Variants in SPSB1 observed in about 807,000 individuals in gnomAD.
The protein encoded by SPSB1 is SPRY domain-containing SOCS box protein 1.
In SPSB1, 8 loss-of-function variants were observed where a neutral mutation model predicts 21.2. The observed-to-expected ratio is 0.38, with a 90% CI of 0.22 to 0.68. The LOEUF is 0.68. SPSB1 is among the 30% of genes least tolerant of loss of function. The pLI, the probability that SPSB1 is intolerant of heterozygous loss-of-function variation, is 0.53. For synonymous variants in SPSB1, 169 were observed against 161.7 expected, an observed-to-expected ratio of 1.05 and a Z score of -0.34; for missense variants, 242 against 377.8, an observed-to-expected ratio of 0.64 and a Z score of 2.98.
intron 1 of SPSB1, among the ~76,000 whole-genome samples, chr1:9,344,606 A>G (rs547005113): frequency 6.6e-6 from 1 of 152,194 alleles, no homozygotes; most frequent in Admixed American, 6.5e-5. Flanking sequence ...AGCATGTATG[A>G]AGCTCTTACT....
intron 1 of SPSB1, 174 bp from the exon 2 acceptor site, chr1:9,355,569 C>T: frequency 3.3e-6 from 2 of 613,988 alleles, no homozygotes; most frequent in Non-Finnish European, 4.4e-6. Flanking sequence ...GACAGCTAGC[C>T]AGGGAACGGG....
intron 1 of SPSB1, among the ~76,000 whole-genome samples, chr1:9,304,366 G>T (rs1457596736): frequency 1.3e-5 from 2 of 152,196 alleles, no homozygotes; most frequent in African/African-American, 2.4e-5. Context: ...CGATGAGCCA[G>T]TTCCCCTAAC....
At position 9,367,757 on chromosome 1, in the gene SPSB1, C is replaced by A. The variant is rs529027354; in HGVS notation, c.*182C>A. On this transcript the variant is annotated 3_prime_UTR_variant, in exon 3 of 3. Coordinates refer to ENST00000328089, the MANE Select transcript of SPSB1 (RefSeq NM_025106.4). The surrounding 1 kb of genome is among the most constrained non-coding windows in gnomAD (Gnocchi z 5.9). ...ACAAGGACCGATTCCAACACAGGCT[C>A]CTCTTTCCCCCTTCCCGACATCAGC... 1.3e-5 allele frequency: 11 copies of A among 863,242 alleles called. No individual in the cohort carries two copies. Among genetic ancestry groups the A allele is most frequent in the Non-Finnish European group, 1.9e-5 (11 of 579,396 alleles). The allele number at this position is 863,242 out of a possible 1,614,324, so 53.5% of individuals were successfully genotyped here. A position where few individuals can be genotyped will look rare whatever the true frequency, so the allele number is the denominator to read the frequency against.
intron 1 of SPSB1, among the ~76,000 whole-genome samples, chr1:9,299,164 T>A (rs1639273905): frequency 2.0e-5 from 3 of 152,266 alleles, no homozygotes; most frequent in Admixed American, 2.0e-4. Flanking sequence ...TGCATGCAGC[T>A]GTTGATCTGA....
chr1:9,339,710 C>T (rs577078327), intron 1 of SPSB1, among the ~76,000 whole-genome samples: 23 of 152,216 alleles, frequency 1.5e-4, no homozygotes, highest in South Asian at 1.0e-3. Context: ...CCAGCAGGGT[C>T]GCCCTGACCT....
chr1:9,310,087 T>C (rs973749860), intron 1 of SPSB1, among the ~76,000 whole-genome samples: 1 of 150,898 alleles, frequency 6.6e-6, no homozygotes, highest in Non-Finnish European at 1.5e-5. Flanking sequence ...TGATGATGCC[T>C]CTGCACCTGC....
In SPSB1 at chr1:9,355,838, G is replaced by A. The variant is rs1222663119; in HGVS notation, c.-54G>A. On this transcript the variant is annotated 5_prime_UTR_variant, in exon 2 of 3. Coordinates refer to ENST00000328089, the MANE Select transcript of SPSB1 (RefSeq NM_025106.4). Reference sequence around the variant, plus strand: ...ATCAGAATACTGGAGACGAGACCACGAGATTGATGAGTTTGCCTTGGGAGT... The same window carrying A: ...ATCAGAATACTGGAGACGAGACCACAAGATTGATGAGTTTGCCTTGGGAGT... The A allele has an allele frequency of 5.3e-6, 8 of 1,515,806 alleles. No homozygotes were observed. The highest frequency in any genetic ancestry group is 1.4e-5 in the African/African-American group (1 of 71,782). 93.9% of individuals were successfully genotyped at this position (1,515,806 alleles called of 1,614,324 possible).
chr1:9,326,390 A>G (rs1204873634), intron 1 of SPSB1, among the ~76,000 whole-genome samples: 1 of 152,220 alleles, frequency 6.6e-6, no homozygotes, highest in East Asian at 1.9e-4. Flanking sequence ...AAGGGGCCAC[A>G]GAAAAGTCAG....
intron 1 of SPSB1, among the ~76,000 whole-genome samples, chr1:9,323,417 G>T (rs924775892): frequency 2.0e-5 from 3 of 152,174 alleles, no homozygotes; most frequent in African/African-American, 2.4e-5. Context: ...CTCGCGGCCC[G>T]TTGGCAGAGA....
At chr1:9,314,044 C>T (rs546846861) in intron 1 of SPSB1, among the ~76,000 whole-genome samples, 33 of 152,086 alleles carry the variant, frequency 2.2e-4, no homozygotes, top group Non-Finnish European at 3.5e-4. Flanking sequence ...GGTGTGGCGG[C>T]GGGCACTTGT....
intron 1 of SPSB1, among the ~76,000 whole-genome samples, chr1:9,319,798 C>T (rs1639683362): frequency 6.6e-6 from 1 of 152,074 alleles, no homozygotes; most frequent in Admixed American, 6.5e-5. Flanking sequence ...TTCCATGAGC[C>T]TTTGAGTGAG....
At chr1:9,350,718 C>T (rs1640242855) in intron 1 of SPSB1, among the ~76,000 whole-genome samples, 1 of 152,236 alleles carries the variant, frequency 6.6e-6, no homozygotes, top group Admixed American at 6.5e-5. Flanking sequence ...GTCTGCTCCT[C>T]CTGGGTGGGG....
At chr1:9,327,511 G>A (rs1639836576) in intron 1 of SPSB1, among the ~76,000 whole-genome samples, 1 of 152,128 alleles carries the variant, frequency 6.6e-6, no homozygotes, top group African/African-American at 2.4e-5. Context: ...AGAGCAGGCA[G>A]ACTGGGAGTG....
At chr1:9,340,834 A>G (rs1166333224) in intron 1 of SPSB1, among the ~76,000 whole-genome samples, 4 of 152,260 alleles carry the variant, frequency 2.6e-5, no homozygotes, top group African/African-American at 7.2e-5. Flanking sequence ...GTCGCGGAGC[A>G]GCTCTGCCCA....
intron 1 of SPSB1, among the ~76,000 whole-genome samples, chr1:9,327,062 G>C (rs912207088): frequency 6.6e-6 from 1 of 152,132 alleles, no homozygotes; most frequent in Non-Finnish European, 1.5e-5. Context: ...GCACTGGGAT[G>C]GTTCCTCATT....
At chr1:9,331,497 A>AT (rs1639919386) in intron 1 of SPSB1, among the ~76,000 whole-genome samples, 1 of 151,280 alleles carries the variant, frequency 6.6e-6, no homozygotes, top group African/African-American at 2.4e-5. Flanking sequence ...TGCCCGACTA[A>AT]TTTTTTGTAT....
At chr1:9,322,989 C>T (rs903177419) in intron 1 of SPSB1, among the ~76,000 whole-genome samples, 8 of 152,130 alleles carry the variant, frequency 5.3e-5, no homozygotes, top group Non-Finnish European at 8.8e-5. Flanking sequence ...CTTCCCGTGC[C>T]GCCAGCACTG....
rs1419481536 is a variant in SPSB1 at position 9,346,583 on chromosome 1, G to A, written c.-149-9160G>A. On this transcript the variant is annotated intron_variant, in intron 1 of 2. Coordinates refer to ENST00000328089, the MANE Select transcript of SPSB1 (RefSeq NM_025106.4). The surrounding 1 kb of genome is among the most constrained non-coding windows in gnomAD (Gnocchi z 4.4). The stretch of plus-strand genomic sequence containing the variant: ...ATCTGAAAGCATTTTGGGGGAAGGT[G>A]GGGTCTGCAGGGTTGTGGCTTTAAT... 6.6e-6 allele frequency among the ~76,000 whole-genome samples: 1 copy of A among 152,244 alleles called. No homozygotes were observed. Among genetic ancestry groups the A allele is most frequent in the African/African-American group, 2.4e-5 (1 of 41,452 alleles).
At chr1:9,343,345 GGAATC>G (rs1640118542) in intron 1 of SPSB1, among the ~76,000 whole-genome samples, 1 of 148,586 alleles carries the variant, frequency 6.7e-6, no homozygotes, top group Non-Finnish European at 1.5e-5. Context: ...TCGTCGAAAG[GGAATC>G]GTACAATGTG....
Sources: allele counts gnomAD v4.1 joint callset (sites outside exome capture counted in the v4.1 genomes callset), GRCh38; gene constraint gnomAD v4.1.1; non-coding constraint Gnocchi (gnomAD v3.1); transcripts MANE v1.5; gene names NCBI Gene and HGNC (gene_info 2026-07-23, HGNC 2026-07-21).